Variants in TBC1D12 observed in about 807,000 individuals in gnomAD.
TBC1D12 encodes the protein TBC1 domain family, member 12.
TBC1D12 carries 56 observed loss-of-function variants against 86.7 expected under a neutral mutation model. The ratio of observed to expected loss-of-function variants is 0.65; its 90% CI spans 0.52 to 0.81. The LOEUF (loss-of-function observed/expected upper bound fraction) is 0.81. Among genes scored for constraint, TBC1D12 ranks in the 30% least tolerant of loss-of-function variants. TBC1D12 has a pLI of 0.00. For missense variants in TBC1D12, 1,023 were observed against 1,038.8 expected (o/e 0.98, Z 0.21); for synonymous variants, 421 against 411.7 (o/e 1.02, Z -0.27).
At chr10:94,474,569 T>C (rs2055958243) in intron 2 of TBC1D12, 99 bp from the exon 3 acceptor site, 1 of 817,190 alleles carries the variant, frequency 1.2e-6, no homozygotes, top group Non-Finnish European at 1.9e-6. Flanking sequence ...GAATTGTATG[T>C]ATCCCTCATT....
At chr10:94,470,691 TTTTTTTTTTTTTTTTTTTTAC>T (rs2134138899) in intron 2 of TBC1D12, among the ~76,000 whole-genome samples, 1 of 84,874 alleles carries the variant, frequency 1.2e-5, no homozygotes, top group African/African-American at 8.1e-5. Flanking sequence ...TTTGTAATTC[TTTTTTTTTTTTTTTTTTTTAC>T]TTTTTTTTTT....
chr10:94,521,221 C>CAA (rs1294257279), intron 9 of TBC1D12, among the ~76,000 whole-genome samples: 43 of 48,498 alleles, frequency 8.9e-4, no homozygotes, highest in African/African-American at 1.7e-3. Context: ...AAAAAGAAAC[C>CAA]AAAAAAAAAA....
chr10:94,500,248 G>A lies in TBC1D12; in HGVS notation c.1440G>A (p.Leu480=). The change falls in exon 6 of 13, where the codon TTG becomes TTA. Residue 480 remains leucine, a synonymous_variant. Transcript: ENST00000225235. ...GTAGTACAAGAAGAGTTCGAGAATT[G>A]TGGTGGCAGGGATTGCCCCCTAGTG... ...VMRSTRRVRE[L]WWQGLPPSVR... The A allele has an allele frequency of 6.2e-7, 1 of 1,613,928 alleles. No individual in the cohort carries two copies. The highest frequency in any genetic ancestry group is 8.5e-7 in the Non-Finnish European group (1 of 1,179,924).
chr10:94,448,570 G>T (rs2055504744), intron 2 of TBC1D12, among the ~76,000 whole-genome samples: 2 of 152,122 alleles, frequency 1.3e-5, no homozygotes. Context: ...TTGACCTCCT[G>T]GGTTCAAACG....
At chr10:94,490,124 A>G (rs1328573311) in intron 3 of TBC1D12, among the ~76,000 whole-genome samples, 1 of 152,138 alleles carries the variant, frequency 6.6e-6, no homozygotes, top group Non-Finnish European at 1.5e-5. Flanking sequence ...GATGGCAGGC[A>G]TCTGTAACCC....
intron 2 of TBC1D12, among the ~76,000 whole-genome samples, chr10:94,454,755 A>T (rs989582682): frequency 2.0e-5 from 3 of 152,100 alleles, no homozygotes; most frequent in African/African-American, 4.8e-5. Flanking sequence ...ACTTGCTGTT[A>T]TTGCTTATTA....
chr10:94,412,264 GTTA>G (rs1170892384), intron 1 of TBC1D12, among the ~76,000 whole-genome samples: 1 of 152,166 alleles, frequency 6.6e-6, no homozygotes, highest in Non-Finnish European at 1.5e-5. Context: ...AGATTCAAAT[GTTA>G]TTATTCAGAC....
chr10:94,525,616 C>T (rs952259000), intron 11 of TBC1D12, among the ~76,000 whole-genome samples: 7 of 146,592 alleles, frequency 4.8e-5, no homozygotes, highest in Admixed American at 6.9e-5. Flanking sequence ...GCCGGGATCA[C>T]GCCACTGCAC....
Position 94,511,664 on chromosome 10 carries a change from T to A in TBC1D12, c.1761+10T>A. The A allele has an allele frequency of 6.3e-7, 1 of 1,590,898 alleles. No individual in the cohort carries two copies. Among genetic ancestry groups the A allele is most frequent in the Non-Finnish European group, 8.6e-7 (1 of 1,162,504 alleles). The stretch of plus-strand genomic sequence containing the variant: ...GCCTGATGTTGGTTATGTAAGTATT[T>A]GTTTCCATCTGTTTTTTGAATATAA... On this transcript the variant is annotated intron_variant, in intron 9 of 12. Transcript: ENST00000225235.
At chr10:94,477,941 A>G (rs187846306) in intron 3 of TBC1D12, among the ~76,000 whole-genome samples, 2 of 152,270 alleles carry the variant, frequency 1.3e-5, no homozygotes, top group East Asian at 1.9e-4. Context: ...AGAAGACTAG[A>G]TCTCCTAAAC....
chr10:94,406,695 C>G (rs886194133), intron 1 of TBC1D12, among the ~76,000 whole-genome samples: 4 of 152,338 alleles, frequency 2.6e-5, no homozygotes, highest in Admixed American at 6.5e-5. Flanking sequence ...AGATCCAACC[C>G]TACCCCTAAA....
At chr10:94,459,048 C>G (rs1200455646) in intron 2 of TBC1D12, among the ~76,000 whole-genome samples, 1 of 150,242 alleles carries the variant, frequency 6.7e-6, no homozygotes, top group African/African-American at 2.5e-5. Context: ...CCACCCGCAG[C>G]CTACTGATTG....
At chr10:94,403,736 GA>G (rs2054809984) in intron 1 of TBC1D12, 152 bp downstream of exon 1, 16 of 983,592 alleles carry the variant, frequency 1.6e-5, no homozygotes, top group Non-Finnish European at 4.2e-6. Context: ...ACTTAGCTTT[GA>G]TTTGTCACTG....
At chr10:94,521,869 C>A in intron 9 of TBC1D12, 86 bp from the exon 10 acceptor site, 1 of 1,222,708 alleles carries the variant, frequency 8.2e-7, no homozygotes, top group Non-Finnish European at 1.1e-6. Context: ...TGTAATGTCA[C>A]TGTAATTTTT....
chr10:94,465,565 G>C (rs1285966120), intron 2 of TBC1D12, among the ~76,000 whole-genome samples: 2 of 151,754 alleles, frequency 1.3e-5, no homozygotes, highest in African/African-American at 2.4e-5. Context: ...AGAATCGCTT[G>C]AACCTGGGAG....
intron 1 of TBC1D12, among the ~76,000 whole-genome samples, chr10:94,404,917 A>C (rs1021403425): frequency 7.9e-5 from 12 of 152,138 alleles, no homozygotes; most frequent in Middle Eastern, 3.4e-3. Context: ...GCATGTTGGC[A>C]GGCGACTTAA....
At chr10:94,507,843 G>A (rs141402539) in intron 7 of TBC1D12, among the ~76,000 whole-genome samples, 3,817 of 152,064 alleles carry the variant, frequency 0.025, 61 homozygotes, top group Non-Finnish European at 0.031. Context: ...AAAATTAGCC[G>A]GGCGTGGTGG....
chr10:94,450,091 T>A (rs1269410377), intron 2 of TBC1D12, among the ~76,000 whole-genome samples: 2 of 152,208 alleles, frequency 1.3e-5, no homozygotes, highest in African/African-American at 4.8e-5. Context: ...CTTAAGATTT[T>A]CTGGCTTATT....
rs2056529037 is a variant in TBC1D12, at chr10:94,511,600, T to A, written c.1707T>A (p.Asp569Glu). 6.2e-7 allele frequency: 1 copy of A among 1,611,904 alleles called. No homozygotes were observed. The highest frequency in any genetic ancestry group is 1.7e-5 in the Admixed American group (1 of 59,776). Residue 569 changes from aspartate (D) to glutamate (E), a missense_variant, in exon 9 of 13, where the codon GAT (aspartate) becomes GAA (glutamate). Physicochemically the swap from Asp to Glu is conservative, Grantham distance 45. Coordinates refer to ENST00000225235, the MANE Select transcript of TBC1D12 (RefSeq NM_015188.2). ...YIFQKGGPYH[D>E]VLHSILGAYT... ...CTCCTAAGGGTGGTCCATATCATGA[T>A]GTCTTGCATAGTATTTTAGGGGCAT...
Sources: allele counts gnomAD v4.1 joint callset (sites outside exome capture counted in the v4.1 genomes callset), GRCh38; gene constraint gnomAD v4.1.1; transcripts MANE v1.5; gene names NCBI Gene and HGNC (gene_info 2026-07-23, HGNC 2026-07-21).